Variants in SGSH observed in about 807,000 individuals in gnomAD.
The protein encoded by SGSH is N-sulfoglucosamine sulfohydrolase.
A neutral mutation model predicts 51.0 loss-of-function variants in SGSH; 48 were observed. That is an observed-to-expected ratio of 0.94 (90% CI 0.75 to 1.20). SGSH has a LOEUF of 1.20. SGSH is among the 50% of genes most tolerant of loss of function. The probability of loss-of-function intolerance (pLI) is 0.00; values close to 1 mark genes in which losing one functional copy is unlikely to be tolerated. For synonymous variants in SGSH, 321 were observed against 313.4 expected (o/e 1.02, Z -0.26); for missense variants, 662 against 717.8 (o/e 0.92, Z 0.89).
chr17:80,205,464 T>G, downstream of SGSH: 1 of 1,549,302 alleles, frequency 6.5e-7, no homozygotes, highest in Non-Finnish European at 8.7e-7. Flanking sequence ...CAGGGGTGTT[T>G]ACCATGGGAC....
downstream of SGSH, chr17:80,208,522 A>T: frequency 1.8e-6 from 1 of 555,036 alleles, no homozygotes; most frequent in Non-Finnish European, 3.1e-6. Flanking sequence ...CACACAGTGA[A>T]GCCACTTGTA....
chr17:80,211,148 A>ACACCTCTCACCGC, intron 7 of SGSH, 137 bp from the exon 8 acceptor site: 1 of 1,522,374 alleles, frequency 6.6e-7, no homozygotes, highest in Non-Finnish European at 8.8e-7. Flanking sequence ...TGTCGAGCCG[A>ACACCTCTCACCGC]CACCTCTCAC....
chr17:80,206,421 C>A (rs899824272), downstream of SGSH, among the ~76,000 whole-genome samples: 1 of 152,182 alleles, frequency 6.6e-6, no homozygotes, highest in East Asian at 1.9e-4. Context: ...TGAGACCAGC[C>A]TGAGCAACAC....
chr17:80,211,919 T>C (rs1278831938), intron 7 of SGSH, 152 bp downstream of exon 7: 2 of 699,902 alleles, frequency 2.9e-6, no homozygotes, highest in Non-Finnish European at 5.1e-6. Flanking sequence ...CCTCATTCTT[T>C]TCCTCTGTAG....
In SGSH at chr17:80,214,647, G is replaced by A. The variant is rs75828254; in HGVS notation, c.474C>T (p.Leu158=). The change falls in exon 4 of 8, where the codon CTC becomes CTT. Residue 158 remains leucine (L), a synonymous_variant. Transcript: ENST00000326317. ...VGRNITRIKL[L]VRKFLQTQDD... is the part of the protein sequence containing the mutation. ...CCTGAGTCTGCAGGAATTTCCGGAC[G>A]AGCAGCTTAATTCTAGTGATGTTCC... is the stretch of plus-strand genomic sequence containing the variant. 31 of 1,613,444 alleles carry A rather than the reference G, an allele frequency of 1.9e-5. No homozygotes were observed. In the African/African-American group the frequency reaches 2.0e-4, roughly 10 times the overall value.
chr17:80,218,392 C>T (rs1018477174), intron 1 of SGSH, among the ~76,000 whole-genome samples: 5 of 152,208 alleles, frequency 3.3e-5, no homozygotes, highest in East Asian at 3.8e-4. Flanking sequence ...AGGGACAGGC[C>T]GCTGAACTCC....
In SGSH at chr17:80,215,027, C is replaced by A. The variant is rs368409204; in HGVS notation, c.355+6G>T. ...CCACGCCCTGTCCTCGGCACGGGGTCCTCACCTGTGCGCACACCAGCTTGG... is the reference window on the plus strand; with the variant it reads ...CCACGCCCTGTCCTCGGCACGGGGTACTCACCTGTGCGCACACCAGCTTGG... On this transcript the variant is annotated splice_donor_region_variant and intron_variant, in intron 3 of 7. Coordinates refer to ENST00000326317, the MANE Select transcript of SGSH (RefSeq NM_000199.5). 2.5e-6 allele frequency: 4 copies of A among 1,606,470 alleles called. No individual in the cohort carries two copies. The African/African-American group carries it at 5.3e-5, about 21-fold the overall frequency.
intron 2 of SGSH, among the ~76,000 whole-genome samples, 190 bp from the exon 3 acceptor site, chr17:80,215,328 G>A (rs905833829): frequency 2.6e-5 from 4 of 152,222 alleles, no homozygotes; most frequent in African/African-American, 4.8e-5. Context: ...GGTCCCTCCC[G>A]TGAAAGGAGG....
chr17:80,214,145 C>T, intron 5 of SGSH, 27 bp downstream of exon 5: 1 of 1,596,110 alleles, frequency 6.3e-7, no homozygotes, highest in Non-Finnish European at 8.5e-7. Flanking sequence ...TGACGGGCGT[C>T]CTGAAACACA....
At chr17:80,217,916 C>T (rs1231751712) in intron 1 of SGSH, among the ~76,000 whole-genome samples, 1 of 152,100 alleles carries the variant, frequency 6.6e-6, no homozygotes, top group Non-Finnish European at 1.5e-5. Flanking sequence ...GGTACACAGG[C>T]TGGACTGATA....
the SGSH span, chr17:80,201,475 A>C: frequency 8.7e-5 from 42 of 480,276 alleles, no homozygotes; most frequent in Non-Finnish European, 1.5e-4. The surrounding 1 kb of genome is among the most constrained non-coding windows in gnomAD (Gnocchi z 5.0). Context: ...CAAGACAGGA[A>C]AGTGCTTATC....
At chr17:80,208,390 G>A (rs1320519724), downstream of SGSH, 3 of 1,487,722 alleles carry the variant, frequency 2.0e-6, no homozygotes, top group Admixed American at 2.0e-5. Context: ...CTGTGTGCCT[G>A]TTAATGCAGT....
At chr17:80,208,111 C>CG, downstream of SGSH, 1 of 1,482,700 alleles carries the variant, frequency 6.7e-7, no homozygotes, top group Non-Finnish European at 9.1e-7. Context: ...CCCCTGAGCC[C>CG]GCCCCCCCCA....
downstream of SGSH, chr17:80,201,773 C>T: frequency 6.2e-7 from 1 of 1,614,018 alleles, no homozygotes; most frequent in South Asian, 1.1e-5. This position sits in a 1 kb window ranked among gnomAD's most constrained non-coding sequence, Gnocchi z 5.0. Context: ...AGCCCTTGTT[C>T]AAGGCAGTCC....
At chr17:80,201,960 C>T, downstream of SGSH, 1 of 1,462,310 alleles carries the variant, frequency 6.8e-7, no homozygotes, top group Non-Finnish European at 9.2e-7. This position sits in a 1 kb window ranked among gnomAD's most constrained non-coding sequence, Gnocchi z 5.0. Context: ...CGCCCAGCAG[C>T]CAGGGACCCC....
At position 80,209,370 on chromosome 17, in the gene SGSH, G is replaced by C; in HGVS notation, c.*1082C>G. The C allele has an allele frequency of 2.0e-6, 2 of 985,476 alleles. No homozygotes were observed. The highest frequency in any genetic ancestry group is 2.4e-6 in the Non-Finnish European group (2 of 829,974). 61.0% of individuals were successfully genotyped at this position (985,476 alleles called of 1,614,324 possible). ...CTCCTCCAGCCCACCCCAGTATGGA[G>C]TGATAGGGAGGGAAGGGCAAGGGGA... On this transcript the variant is annotated 3_prime_UTR_variant, in exon 8 of 8. Coordinates refer to ENST00000326317, the MANE Select transcript of SGSH (RefSeq NM_000199.5).
At chr17:80,202,135 G>A (rs1192853696), downstream of SGSH, 1 of 1,531,354 alleles carries the variant, frequency 6.5e-7, no homozygotes, top group East Asian at 2.3e-5. Context: ...CCTCGCAGAG[G>A]CTCGTATCTG....
At chr17:80,214,041 G>A in intron 5 of SGSH, 131 bp downstream of exon 5, 2 of 1,366,512 alleles carry the variant, frequency 1.5e-6, no homozygotes, top group Non-Finnish European at 2.0e-6. Context: ...CCCCGAGGTT[G>A]GGAACCTGAA....
At position 80,210,358 on chromosome 17, in the gene SGSH, G is replaced by A; in HGVS notation, c.*94C>T. Reference sequence around the variant, plus strand: ...GGATGGGAGTGTGGACGGAAGGGCTGTTGCCACTACTCCCCAGGCTGGCCG... The same window carrying A: ...GGATGGGAGTGTGGACGGAAGGGCTATTGCCACTACTCCCCAGGCTGGCCG... On this transcript the variant is annotated 3_prime_UTR_variant, in exon 8 of 8. Coordinates refer to ENST00000326317, the MANE Select transcript of SGSH (RefSeq NM_000199.5). 2.0e-6 allele frequency: 3 copies of A among 1,466,508 alleles called. No individual in the cohort carries two copies. Among genetic ancestry groups the A allele is most frequent in the Non-Finnish European group, 2.7e-6 (3 of 1,109,966 alleles). The allele number at this position is 1,466,508 out of a possible 1,614,324, so 90.8% of individuals were successfully genotyped here.
Sources: gnomAD v4.1 joint callset for allele counts (sites outside exome capture counted in the v4.1 genomes callset) on GRCh38, gnomAD v4.1.1 for gene constraint, Gnocchi (gnomAD v3.1) non-coding constraint, MANE v1.5 for transcripts, NCBI Gene and HGNC (gene_info 2026-07-23, HGNC 2026-07-21) for gene names.